The following SORCS1 variants were observed in gnomAD, a reference collection of about 807,000 sequenced individuals.
The protein encoded by SORCS1 is sortilin related VPS10 domain containing receptor 1, also known as VPS10 domain-containing receptor SorCS1.
A neutral mutation model predicts 146.1 loss-of-function variants in SORCS1; 60 were observed. That is an observed-to-expected ratio of 0.41 (90% CI 0.33 to 0.51). The LOEUF (loss-of-function observed/expected upper bound fraction) is 0.51. Among genes scored for constraint, SORCS1 ranks in the 20% least tolerant of loss-of-function variants. The pLI, the probability that SORCS1 is intolerant of heterozygous loss-of-function variation, is 0.21. For synonymous variants in SORCS1, 637 were observed against 584.0 expected, an observed-to-expected ratio of 1.09 and a Z score of -1.31; for missense variants, 1,352 against 1,487.6, an observed-to-expected ratio of 0.91 and a Z score of 1.50.
chr10:106,739,094 G>T (rs1857171236), intron 5 of SORCS1, among the ~76,000 whole-genome samples: 1 of 152,158 alleles, frequency 6.6e-6, no homozygotes, highest in South Asian at 2.1e-4. Context: ...AAGAGACCAA[G>T]CAAAGAAATA....
At chr10:107,102,453 T>C (rs1302463842) in intron 1 of SORCS1, among the ~76,000 whole-genome samples, 1 of 152,168 alleles carries the variant, frequency 6.6e-6, no homozygotes, top group East Asian at 1.9e-4. Context: ...TGAAGACTGG[T>C]TTCCAGCAGT....
chr10:107,114,449 T>C (rs1172057100), intron 1 of SORCS1, among the ~76,000 whole-genome samples: 2 of 152,082 alleles, frequency 1.3e-5, no homozygotes, highest in Non-Finnish European at 2.9e-5. Context: ...AGAAGAATGA[T>C]TCAACATATG....
chr10:107,134,182 T>C (rs1255646676), intron 1 of SORCS1, among the ~76,000 whole-genome samples: 2 of 152,162 alleles, frequency 1.3e-5, no homozygotes, highest in African/African-American at 2.4e-5. Flanking sequence ...TAGAAACTGA[T>C]GTCAGGAAGG....
At chr10:106,744,826 C>T (rs1347103304) in intron 5 of SORCS1, among the ~76,000 whole-genome samples, 3 of 152,044 alleles carry the variant, frequency 2.0e-5, no homozygotes, top group African/African-American at 7.2e-5. Context: ...ATGTGTATAA[C>T]ATCTTCCTTT....
intron 2 of SORCS1, among the ~76,000 whole-genome samples, chr10:106,893,526 G>C (rs79596644): frequency 6.6e-6 from 1 of 152,250 alleles, no homozygotes; most frequent in Admixed American, 6.5e-5. Flanking sequence ...AAATAAATAA[G>C]TTAATGATGA....
intron 1 of SORCS1, among the ~76,000 whole-genome samples, chr10:107,022,625 G>C (rs1958199184): frequency 6.6e-6 from 1 of 152,162 alleles, no homozygotes; most frequent in Non-Finnish European, 1.5e-5. Context: ...ACAGGTGATA[G>C]AGCAGTACCA....
intron 1 of SORCS1, among the ~76,000 whole-genome samples, chr10:106,989,271 GAAAAAAAAAAAAAA>G (rs1161174866): frequency 2.6e-5 from 2 of 75,672 alleles, no homozygotes; most frequent in African/African-American, 1.3e-4. Flanking sequence ...CTCCACCTCA[GAAAAAAAAAAAAAA>G]AAAAAAAAAA....
intron 4 of SORCS1, among the ~76,000 whole-genome samples, chr10:106,772,087 T>G (rs1332146641): frequency 6.6e-6 from 1 of 152,314 alleles, no homozygotes; most frequent in East Asian, 1.9e-4. Flanking sequence ...TGTAAGGGTT[T>G]TTTTAGAAGA....
chr10:107,037,794 T>C (rs1275489990), intron 1 of SORCS1, among the ~76,000 whole-genome samples: 1 of 152,216 alleles, frequency 6.6e-6, no homozygotes, highest in Non-Finnish European at 1.5e-5. Flanking sequence ...AAACTTTCTA[T>C]GTGCTTTGTT....
At chr10:106,718,922 T>C (rs111839524) in intron 6 of SORCS1, among the ~76,000 whole-genome samples, 1 of 152,104 alleles carries the variant, frequency 6.6e-6, no homozygotes, top group Non-Finnish European at 1.5e-5. Context: ...AGACCGCTGA[T>C]GGGTGCGTTT....
At chr10:107,160,030 TG>T (rs1184563561) in intron 1 of SORCS1, among the ~76,000 whole-genome samples, 8 of 152,194 alleles carry the variant, frequency 5.3e-5, no homozygotes, top group Non-Finnish European at 1.2e-4. Context: ...CATGTCTCAC[TG>T]AAGATGAAGA....
chr10:106,948,367 A>T (rs759100593), intron 2 of SORCS1, among the ~76,000 whole-genome samples: 1 of 152,108 alleles, frequency 6.6e-6, no homozygotes, highest in Non-Finnish European at 1.5e-5. Flanking sequence ...TTTTAAAAAA[A>T]CATAGTTTAG....
intron 24 of SORCS1, among the ~76,000 whole-genome samples, chr10:106,580,223 A>G (rs990884634): frequency 2.0e-5 from 3 of 152,130 alleles, no homozygotes; most frequent in Non-Finnish European, 4.4e-5. Context: ...ATGCTGAAGG[A>G]GGGATATGCC....
At chr10:106,813,938 G>C (rs934123790) in intron 3 of SORCS1, among the ~76,000 whole-genome samples, 10 of 152,174 alleles carry the variant, frequency 6.6e-5, no homozygotes, top group Non-Finnish European at 1.2e-4. Context: ...AGGCTACAGA[G>C]TGAGACATTG....
chr10:107,104,246 T>C (rs1965147256), intron 1 of SORCS1, among the ~76,000 whole-genome samples: 1 of 152,190 alleles, frequency 6.6e-6, no homozygotes, highest in Admixed American at 6.5e-5. Context: ...CATTCCTTGC[T>C]TTGGGTTATA....
At chr10:107,117,443 A>C (rs766136240) in intron 1 of SORCS1, among the ~76,000 whole-genome samples, 1 of 152,172 alleles carries the variant, frequency 6.6e-6, no homozygotes, top group Non-Finnish European at 1.5e-5. Context: ...CAGGCCAGAA[A>C]GCCTCTTCTC....
intron 17 of SORCS1, among the ~76,000 whole-genome samples, chr10:106,657,882 G>T (rs545198797): frequency 9.9e-5 from 15 of 151,770 alleles, no homozygotes; most frequent in Non-Finnish European, 1.5e-4. Context: ...AAGTTCTTGG[G>T]AAGATTAAAT....
rs545286259 is a variant in SORCS1 at position 106,620,121 on chromosome 10, C to T, written c.2796+307G>A. 283 of 206,222 alleles carry T rather than the reference C, an allele frequency of 1.4e-3. 2 individuals are homozygous for T. The highest frequency in any genetic ancestry group is 6.2e-3 in the African/African-American group (269 of 43,440). The allele number at this position is 206,222 out of a possible 1,614,324, so 12.8% of individuals were successfully genotyped here. A position where few individuals can be genotyped will look rare whatever the true frequency, so the allele number is the denominator to read the frequency against. On this transcript the variant is annotated intron_variant, in intron 20 of 25. Coordinates refer to ENST00000263054, the MANE Select transcript of SORCS1 (RefSeq NM_052918.5). ...ATTTCAGGACTGTTGTTAGAACTTT[C>T]AGGAAATAGAGTTTAATTTCTCTGC...
At chr10:106,603,629 C>T (rs957882990) in intron 23 of SORCS1, among the ~76,000 whole-genome samples, 1 of 152,054 alleles carries the variant, frequency 6.6e-6, no homozygotes, top group African/African-American at 2.4e-5. Flanking sequence ...CTGTACTGCA[C>T]CTTTACAAGA....
Sources: gnomAD v4.1 joint callset for allele counts (sites outside exome capture counted in the v4.1 genomes callset) on GRCh38, gnomAD v4.1.1 for gene constraint, MANE v1.5 for transcripts, NCBI Gene and HGNC (gene_info 2026-07-23, HGNC 2026-07-21) for gene names.